Variants in TBC1D9B observed in about 807,000 individuals in gnomAD.
TBC1D9B encodes the protein TBC1 domain family, member 9B (with GRAM domain).
Under a neutral mutation model 121.1 loss-of-function variants are expected in TBC1D9B, and 87 were observed. That is an observed-to-expected ratio of 0.72 (90% CI 0.60 to 0.86). The LOEUF is 0.86. TBC1D9B is among the 40% of genes least tolerant of loss of function. The pLI is 0.00. For missense variants in TBC1D9B, 1,540 were observed against 1,628.6 expected (o/e 0.95, Z 0.94); for synonymous variants, 668 against 670.1 (o/e 1.00, Z 0.05).
chr5:179,903,361 A>T (rs1761215518), intron 2 of TBC1D9B, among the ~76,000 whole-genome samples: 1 of 152,114 alleles, frequency 6.6e-6, no homozygotes, highest in Non-Finnish European at 1.5e-5. Flanking sequence ...CTCAGAGCAA[A>T]CTCAACCCAG....
Position 179,904,953 on chromosome 5 carries a change from C to A in TBC1D9B, c.119-141G>T, listed in dbSNP as rs1162080496. 2 of 612,726 alleles carry A rather than the reference C, an allele frequency of 3.3e-6. No homozygotes were observed. The highest frequency in any genetic ancestry group is 5.5e-6 in the Non-Finnish European group (2 of 364,698). 38.0% of individuals were successfully genotyped at this position (612,726 alleles called of 1,614,324 possible). ...AACGAGGGAAACGTCCGGAATGACC[C>A]CTGCGGTCAAAGGCCTTCAGCCAGT... On this transcript the variant is annotated intron_variant, in intron 1 of 20. Transcript: ENST00000355235. The surrounding 1 kb of genome is among the most constrained non-coding windows in gnomAD (Gnocchi z 4.2).
At chr5:179,879,468 G>T in intron 8 of TBC1D9B, 160 bp downstream of exon 8, 2 of 1,199,150 alleles carry the variant, frequency 1.7e-6, no homozygotes, top group South Asian at 1.4e-5. Context: ...CCCAGAGAGT[G>T]CCTGCTCCGT....
chr5:179,886,942 C>T (rs896379129), intron 7 of TBC1D9B, among the ~76,000 whole-genome samples: 2 of 152,222 alleles, frequency 1.3e-5, no homozygotes, highest in Non-Finnish European at 2.9e-5. Context: ...ACAGAATAAG[C>T]ATAGTGATTC....
At position 179,878,383 on chromosome 5, in the gene TBC1D9B, C is replaced by G; in HGVS notation, c.1708G>C (p.Glu570Gln). 1 of 1,613,966 alleles carries G rather than the reference C, an allele frequency of 6.2e-7. No individual in the cohort carries two copies. The change falls in exon 10 of 21, where the codon GAG (glutamate) becomes CAG (glutamine). Residue 570 changes from glutamate to glutamine, a missense_variant. Physicochemically the swap from Glu to Gln is conservative, Grantham distance 29 (BLOSUM62 2). Coordinates refer to ENST00000355235, the MANE Select transcript of TBC1D9B (RefSeq NM_015043.4). ...CGCCGGAGGGCAGCAATCCCCAGCT[C>G]GTTCTGGAAGGCAGGGTGCTCGGGC... is the stretch of plus-strand genomic sequence containing the variant. ...SMPEHPAFQN[E>Q]LGIAALRRVL...
chr5:179,870,352 A>G lies in TBC1D9B; in HGVS notation c.2628T>C (p.Cys876=), dbSNP rs384668. The change falls in exon 16 of 21, where the codon TGT becomes TGC. Residue 876 remains cysteine, a synonymous_variant. Transcript: ENST00000355235. ...CTGCCAGCAGAGGTGTGTGGGAGCC[A>G]CAGGCCCAGGGTGTCAGGCTGGCAA... ...ELFASLTPWA[C]GSHTPLLAGR... 32,541 of 1,613,814 alleles carry G rather than the reference A, an allele frequency of 0.02. 5,541 individuals are homozygous for G. The African/African-American group carries it at 0.37, about 19-fold the overall frequency.
chr5:179,887,932 G>A (rs1760737985), intron 7 of TBC1D9B, 171 bp downstream of exon 7: 1 of 764,852 alleles, frequency 1.3e-6, no homozygotes, highest in African/African-American at 1.8e-5. Flanking sequence ...CTGTGATGTT[G>A]CTGGGCAGTG....
At chr5:179,880,110 T>A (rs986059575) in intron 7 of TBC1D9B, 8 of 376,444 alleles carry the variant, frequency 2.1e-5, no homozygotes, top group Non-Finnish European at 1.4e-5. Context: ...GGAGAGGCCC[T>A]ATCCTAACGT....
chr5:179,899,492 A>G (rs1195839719), intron 2 of TBC1D9B, among the ~76,000 whole-genome samples, 185 bp from the exon 3 acceptor site: 1 of 152,160 alleles, frequency 6.6e-6, no homozygotes, highest in Non-Finnish European at 1.5e-5. Context: ...TGGTCCTGGT[A>G]AAAAAACAAA....
chr5:179,878,939 C>A, intron 9 of TBC1D9B, 108 bp downstream of exon 9: 1 of 1,432,302 alleles, frequency 7.0e-7, no homozygotes, highest in African/African-American at 1.4e-5. Flanking sequence ...GAGCTGGGAG[C>A]TCCTGCCTGG....
At chr5:179,870,040 GC>G (rs1760142270) in intron 16 of TBC1D9B, among the ~76,000 whole-genome samples, 1 of 152,156 alleles carries the variant, frequency 6.6e-6, no homozygotes, top group African/African-American at 2.4e-5. Flanking sequence ...GCTTCTAGCA[GC>G]CCCAGACTGC....
At position 179,865,355 on chromosome 5, in the gene TBC1D9B, T is replaced by C. The variant is rs201649667; in HGVS notation, c.2920A>G (p.Lys974Glu). The change falls in exon 20 of 21, where the codon AAG becomes GAG. Residue 974 changes from lysine to glutamate, a missense_variant. Transcript: ENST00000355235. The surrounding 1 kb of genome is among the most constrained non-coding windows in gnomAD (Gnocchi z 5.1). ...CGATAGTCCGGAGAGCTGGTCCCCT[T>C]CTCCTCTGCAGGTTAGGAGGAAAGA... ...GSGSEERGEE[K>E]GTSSPDYRHY... 1 of 1,613,928 alleles carries C rather than the reference T, an allele frequency of 6.2e-7. No individual in the cohort carries two copies. Among genetic ancestry groups the C allele is most frequent in the Admixed American group, 1.7e-5 (1 of 60,018 alleles).
rs11545788 is a variant in TBC1D9B at position 179,871,491 on chromosome 5, C to T, written c.2455G>A (p.Glu819Lys). 2.9e-3 allele frequency: 4,711 copies of T among 1,613,230 alleles called. 11 individuals are homozygous for T. Among genetic ancestry groups the T allele is most frequent in the Admixed American group, 4.7e-3 (284 of 59,936 alleles). ...AACACCATGTAAAGGTCCTCCAGCT[C>T]TTCAATGGAGAAACCAATGTCCACA... ...IPVDIGFSIE[E>K]LEDLYMVFKA... is the part of the protein sequence containing the mutation. The change falls in exon 15 of 21, where the codon GAG becomes AAG. Residue 819 changes from glutamate to lysine, a missense_variant. Physicochemically the swap from Glu to Lys is moderately conservative, Grantham distance 56 (BLOSUM62 1). Coordinates refer to ENST00000355235, the MANE Select transcript of TBC1D9B (RefSeq NM_015043.4).
rs772130142 is a variant in TBC1D9B, at chr5:179,899,322, G to C, written c.230-15C>G. The C allele has an allele frequency of 6.2e-7, 1 of 1,608,650 alleles. No homozygotes were observed. The highest frequency in any genetic ancestry group is 1.1e-5 in the South Asian group (1 of 90,410). ...GCGGGAAGAACCTAGAAGAGGTTTG[G>C]TAAAGTAAAAGAAAAATCATGAATT... On this transcript the variant is annotated splice_polypyrimidine_tract_variant and intron_variant, in intron 2 of 20. Coordinates refer to ENST00000355235, the MANE Select transcript of TBC1D9B (RefSeq NM_015043.4).
rs1554098283 is a variant in TBC1D9B at position 179,904,220 on chromosome 5, C to CTTTCTTTTT, written c.229+481_229+482insAAAAAGAAA. ...CTGTCCCCATGACCAGTGGAGCTGC[C>CTTTCTTTTT]TTTTTTTTTTTTTTTTTTTTTTGAG... On this transcript the variant is annotated intron_variant, in intron 2 of 20. Coordinates refer to ENST00000355235, the MANE Select transcript of TBC1D9B (RefSeq NM_015043.4). This position sits in a 1 kb window ranked among gnomAD's most constrained non-coding sequence, Gnocchi z 4.2. Among the ~76,000 whole-genome samples the CTTTCTTTTT allele has an allele frequency of 2.3e-4, 19 of 80,908 alleles. No homozygotes were observed. Among genetic ancestry groups the CTTTCTTTTT allele is most frequent in the African/African-American group, 9.0e-4 (18 of 20,014 alleles). The allele number at this position is 80,908 out of a possible 152,430, so 53.1% of individuals were successfully genotyped here.
At position 179,870,369 on chromosome 5, in the gene TBC1D9B, G is replaced by C. The variant is rs1248922401; in HGVS notation, c.2611C>G (p.Leu871Val). ...ASQFRELFAS[L>V]TPWACGSHTP... Reference sequence around the variant, plus strand: ...TGGGAGCCACAGGCCCAGGGTGTCAGGCTGGCAAAGAGTTCCCGGAACTGG... The same window carrying C: ...TGGGAGCCACAGGCCCAGGGTGTCACGCTGGCAAAGAGTTCCCGGAACTGG... Residue 871 changes from leucine to valine, a missense_variant, in exon 16 of 21, where the codon CTG becomes GTG. Coordinates refer to ENST00000355235, the MANE Select transcript of TBC1D9B (RefSeq NM_015043.4). 6.2e-7 allele frequency: 1 copy of C among 1,613,874 alleles called. No homozygotes were observed. The highest frequency in any genetic ancestry group is 1.1e-5 in the South Asian group (1 of 91,090).
chr5:179,888,070 A>C (rs571315655), intron 7 of TBC1D9B, 33 bp downstream of exon 7: 46 of 1,611,680 alleles, frequency 2.9e-5, no homozygotes, highest in Non-Finnish European at 3.6e-5. Flanking sequence ...CCTGGGCCCA[A>C]CTCGACCCTG....
At position 179,878,354 on chromosome 5, in the gene TBC1D9B, CA is replaced by C. The variant is rs1561638520; in HGVS notation, c.1736del (p.Val579GlyfsTer2). 1 of 1,613,734 alleles carries C rather than the reference CA, an allele frequency of 6.2e-7. No individual in the cohort carries two copies. The highest frequency in any genetic ancestry group is 1.3e-5 in the African/African-American group (1 of 74,908). On this transcript the variant is annotated frameshift_variant, in exon 10 of 21. Coordinates refer to ENST00000355235, the MANE Select transcript of TBC1D9B (RefSeq NM_015043.4). LOFTEE classifies it high-confidence loss of function. ...GGTTTCGGAAGGCATAGGCAGTCAGCACCCGCCGGAGGGCAGCAATCCCCAG... is the reference window on the plus strand; with the variant it reads ...GGTTTCGGAAGGCATAGGCAGTCAGCCCCGCCGGAGGGCAGCAATCCCCAG... The part of the protein sequence containing the change: ...NELGIAALRR[V>X]LTAYAFRNPT...
At chr5:179,896,884 AG>A (rs1582102415) in intron 3 of TBC1D9B, among the ~76,000 whole-genome samples, 2 of 151,932 alleles carry the variant, frequency 1.3e-5, no homozygotes, top group African/African-American at 4.8e-5. Flanking sequence ...CTCTCTCTTT[AG>A]AGTTTTGCTT....
chr5:179,881,841 C>T (rs879922142), intron 7 of TBC1D9B, among the ~76,000 whole-genome samples: 4 of 152,118 alleles, frequency 2.6e-5, no homozygotes, highest in Non-Finnish European at 5.9e-5. Context: ...CTTTTCTTCC[C>T]ACTTTCCTCC....
Sources: allele counts gnomAD v4.1 joint callset (sites outside exome capture counted in the v4.1 genomes callset), GRCh38; gene constraint gnomAD v4.1.1; non-coding constraint Gnocchi (gnomAD v3.1); transcripts MANE v1.5; gene names NCBI Gene and HGNC (gene_info 2026-07-23, HGNC 2026-07-21).